The following EYA2 variants were observed in gnomAD, a reference collection of about 807,000 sequenced individuals.
The protein encoded by EYA2 is protein phosphatase EYA2.
A neutral mutation model predicts 69.2 loss-of-function variants in EYA2; 31 were observed. The observed-to-expected ratio is 0.45, with a 90% CI of 0.34 to 0.60. EYA2 has a LOEUF of 0.60. Ranked by LOEUF, EYA2 falls within the 20% of genes least tolerant of loss-of-function variation. The pLI, the probability that EYA2 is intolerant of heterozygous loss-of-function variation, is 0.02. For missense variants in EYA2, 622 were observed against 701.2 expected, an observed-to-expected ratio of 0.89 and a Z score of 1.28; for synonymous variants, 257 against 279.4, an observed-to-expected ratio of 0.92 and a Z score of 0.80.
chr20:46,996,456 G>A (rs58152264), intron 2 of EYA2, among the ~76,000 whole-genome samples: 3,424 of 152,280 alleles, frequency 0.022, 119 homozygotes, highest in African/African-American at 0.077. Flanking sequence ...TCACCTGGAG[G>A]CTTCCTTGAC....
chr20:47,158,501 G>C (rs1187765311), intron 10 of EYA2, among the ~76,000 whole-genome samples: 1 of 149,288 alleles, frequency 6.7e-6, no homozygotes, highest in African/African-American at 2.5e-5. Context: ...TGGGTGACAA[G>C]AGTGAAACTC....
intron 1 of EYA2, chr20:46,979,938 T>C (rs1382823872): frequency 6.6e-6 from 1 of 152,230 alleles, no homozygotes; most frequent in Non-Finnish European, 1.5e-5. Context: ...GAACTGAGGC[T>C]CAGATAAGTG....
chr20:47,151,438 C>T (rs2033821300), intron 10 of EYA2, among the ~76,000 whole-genome samples: 1 of 151,692 alleles, frequency 6.6e-6, no homozygotes, highest in African/African-American at 2.4e-5. Context: ...CTCTTTTTCT[C>T]CTACTCTTTT....
rs117563359 is a variant in EYA2 at position 46,935,144 on chromosome 20, C to A, written c.-11+40157C>A. On this transcript the variant is annotated intron_variant, in intron 1 of 15. Transcript: ENST00000327619. ...GGCGTGGAGCACATTTCCCCTGCAT[C>A]AGCTCTACTCAGGGCCAAACCTTTG... Among the ~76,000 whole-genome samples the A allele has an allele frequency of 3.7e-3, 568 of 152,316 alleles. 1 individual carries two copies. The highest frequency in any genetic ancestry group is 6.0e-3 in the Non-Finnish European group (405 of 68,018).
chr20:47,070,820 T>G (rs896564548), intron 5 of EYA2, among the ~76,000 whole-genome samples: 1 of 152,172 alleles, frequency 6.6e-6, no homozygotes. Flanking sequence ...ATACCACAAT[T>G]TTTTAAATAA....
chr20:47,023,543 C>A (rs994375830), intron 5 of EYA2, among the ~76,000 whole-genome samples: 8 of 151,346 alleles, frequency 5.3e-5, no homozygotes, highest in Admixed American at 4.6e-4. Context: ...TAAATCTTTT[C>A]TTCTGTAGTA....
chr20:47,158,650 A>G (rs2034004742), intron 10 of EYA2, among the ~76,000 whole-genome samples: 1 of 152,010 alleles, frequency 6.6e-6, no homozygotes, highest in African/African-American at 2.4e-5. Context: ...CCAGAGCTCC[A>G]TGGAGAAATG....
At chr20:47,004,670 G>A (rs780726290) in intron 3 of EYA2, among the ~76,000 whole-genome samples, 15 of 152,258 alleles carry the variant, frequency 9.9e-5, no homozygotes, top group Middle Eastern at 3.4e-3. Context: ...GTGTTCATTG[G>A]CCAGGCCTGC....
intron 10 of EYA2, among the ~76,000 whole-genome samples, chr20:47,147,054 CTTT>C (rs57767869): frequency 3.5e-5 from 4 of 112,890 alleles, no homozygotes; most frequent in African/African-American, 3.4e-5. Flanking sequence ...GCTCCTCTGA[CTTT>C]TTTTTTTTTT....
At chr20:46,966,035 T>C (rs1979755873) in intron 1 of EYA2, among the ~76,000 whole-genome samples, 1 of 152,254 alleles carries the variant, frequency 6.6e-6, no homozygotes, top group African/African-American at 2.4e-5. Context: ...TCCATGAATG[T>C]AGCACCTGGT....
intron 1 of EYA2, among the ~76,000 whole-genome samples, chr20:46,937,629 A>C (rs1600560988): frequency 6.7e-6 from 1 of 148,336 alleles, no homozygotes; most frequent in Non-Finnish European, 1.5e-5. Context: ...AGTCCAATGC[A>C]CACATTTCAT....
chr20:47,129,510 G>A lies in EYA2; in HGVS notation c.889-13549G>A, dbSNP rs559935503. Among the ~76,000 whole-genome samples the A allele has an allele frequency of 5.9e-5, 9 of 152,352 alleles. No individual in the cohort carries two copies. The South Asian group carries it at 1.9e-3, about 32-fold the overall frequency. On this transcript the variant is annotated intron_variant, in intron 9 of 15. Coordinates refer to ENST00000327619, the MANE Select transcript of EYA2 (RefSeq NM_005244.5). ...GCAAGTTTGGCAGATTCAAGGCAGA[G>A]TGGAAGAGTAGGTGGTTACTAGAGC...
chr20:46,941,205 G>A (rs138303970), intron 1 of EYA2, among the ~76,000 whole-genome samples: 26 of 152,346 alleles, frequency 1.7e-4, no homozygotes, highest in African/African-American at 6.3e-4. Flanking sequence ...CCTAAGAGCT[G>A]CCTGAGCTCA....
chr20:46,900,858 G>A (rs6018143), intron 1 of EYA2, among the ~76,000 whole-genome samples: 2,544 of 152,190 alleles, frequency 0.017, 76 homozygotes, highest in African/African-American at 0.057. Context: ...GAGAAAACAC[G>A]GGGAATTCTC....
At chr20:46,914,173 G>A (rs1229045235) in intron 1 of EYA2, among the ~76,000 whole-genome samples, 2 of 152,224 alleles carry the variant, frequency 1.3e-5, no homozygotes, top group African/African-American at 2.4e-5. Context: ...CATCAGGTCT[G>A]CTCAGTGGAT....
At chr20:47,139,676 C>T (rs149898343) in intron 9 of EYA2, among the ~76,000 whole-genome samples, 2,629 of 152,230 alleles carry the variant, frequency 0.017, 115 homozygotes, top group East Asian at 0.17. Context: ...ATGATCTACC[C>T]GCCTCGGCCT....
At chr20:46,978,100 C>A (rs1022726946) in intron 1 of EYA2, 1 of 157,234 alleles carries the variant, frequency 6.4e-6, no homozygotes. Context: ...CAGGAGAGAA[C>A]GTCTCTTCTC....
chr20:47,016,122 C>A (rs1205974737), intron 4 of EYA2, 59 bp from the exon 5 acceptor site: 4 of 1,260,282 alleles, frequency 3.2e-6, no homozygotes, highest in Non-Finnish European at 4.7e-6. Flanking sequence ...TTGTGGGTGA[C>A]AAGGACGCAT....
chr20:47,116,302 C>G (rs897922741), intron 9 of EYA2, among the ~76,000 whole-genome samples: 4 of 151,018 alleles, frequency 2.6e-5, no homozygotes, highest in Admixed American at 2.0e-4. Context: ...CTCAGCCTCT[C>G]GAGTAGCTGG....
Sources: gnomAD v4.1 joint callset for allele counts (sites outside exome capture counted in the v4.1 genomes callset) on GRCh38, gnomAD v4.1.1 for gene constraint, MANE v1.5 for transcripts, NCBI Gene and HGNC (gene_info 2026-07-23, HGNC 2026-07-21) for gene names.